ARHGEF33: variants seen among roughly 807,000 people sequenced by gnomAD.
ARHGEF33 encodes DH and coiled-coil domain-containing protein ENSP00000381780.
A neutral mutation model predicts 101.9 loss-of-function variants in ARHGEF33; 72 were observed. The ratio of observed to expected loss-of-function variants is 0.71; its 90% CI spans 0.58 to 0.86. The LOEUF (loss-of-function observed/expected upper bound fraction) is 0.86, where lower values mean the gene tolerates loss of function less well. ARHGEF33 is among the 40% of genes least tolerant of loss of function. The pLI is 0.00. For synonymous variants in ARHGEF33, 499 were observed against 442.5 expected (o/e 1.13, Z -1.60); for missense variants, 1,169 against 1,111.3 (o/e 1.05, Z -0.74).
chr2:38,917,099 C>T (rs866343666), intron 2 of ARHGEF33, among the ~76,000 whole-genome samples: 2 of 40,192 alleles, frequency 5.0e-5, no homozygotes, highest in Non-Finnish European at 1.0e-4. Flanking sequence ...TGCAACCGGT[C>T]TTCTTTTTTT....
chr2:38,933,173 C>G (rs565125038), intron 7 of ARHGEF33, among the ~76,000 whole-genome samples: 65 of 152,244 alleles, frequency 4.3e-4, no homozygotes, highest in African/African-American at 1.5e-3. Context: ...AGGCTGTAAT[C>G]AAGGTGCTGG....
Position 38,975,372 on chromosome 2 carries a change from G to A in ARHGEF33, c.*1529G>A, listed in dbSNP as rs1668254106. ...ATTATGTGGCCGGCAGTGCTTGCAAGCACAACGCCAAATCGACTGGACGTG... is the reference window on the plus strand; with the variant it reads ...ATTATGTGGCCGGCAGTGCTTGCAAACACAACGCCAAATCGACTGGACGTG... On this transcript the variant is annotated 3_prime_UTR_variant, in exon 18 of 18. Transcript: ENST00000409978. 1 of 152,198 alleles carries A rather than the reference G, an allele frequency of 6.6e-6. No homozygotes were observed. Among genetic ancestry groups the A allele is most frequent in the Non-Finnish European group, 1.5e-5 (1 of 68,022 alleles). The allele number at this position is 152,198 out of a possible 1,614,324, so 9.4% of individuals were successfully genotyped here.
intron 10 of ARHGEF33, among the ~76,000 whole-genome samples, chr2:38,950,227 C>T (rs1277467612): frequency 6.6e-6 from 1 of 152,132 alleles, no homozygotes; most frequent in Non-Finnish European, 1.5e-5. Context: ...ACAAATTTTC[C>T]TACTTACCTA....
At chr2:38,947,197 G>A (rs1667472222) in intron 10 of ARHGEF33, among the ~76,000 whole-genome samples, 1 of 152,150 alleles carries the variant, frequency 6.6e-6, no homozygotes, top group Non-Finnish European at 1.5e-5. Flanking sequence ...TGACATTCAA[G>A]CCTGAGGTGG....
At chr2:38,929,957 C>A in intron 6 of ARHGEF33, 127 bp downstream of exon 6, 1 of 712,940 alleles carries the variant, frequency 1.4e-6, no homozygotes. Flanking sequence ...GCTTGGCATG[C>A]GATGGAGGTT....
In ARHGEF33 at chr2:38,909,793, A is replaced by G. The variant is rs566962178; in HGVS notation, c.-85-9570A>G. ...GTTTTAAGCACTTGTGTATCTTCAT[A>G]TTGTGAGAATTGTCTTATCTCCTTA... On this transcript the variant is annotated intron_variant, in intron 2 of 17. Coordinates refer to ENST00000409978, the MANE Select transcript of ARHGEF33 (RefSeq NM_001145451.5). 3.5e-5 allele frequency among the ~76,000 whole-genome samples: 5 copies of G among 142,998 alleles called. No homozygotes were observed. In the East Asian group the frequency reaches 1.0e-3, roughly 29 times the overall value. The allele number at this position is 142,998 out of a possible 152,430, so 93.8% of individuals were successfully genotyped here.
rs1666710077 is a variant in ARHGEF33 at position 38,919,523 on chromosome 2, G to C, written c.25+51G>C. The C allele has an allele frequency of 9.1e-6, 14 of 1,541,420 alleles. 1 individual carries two copies. Among genetic ancestry groups the C allele is most frequent in the Middle Eastern group, 3.4e-4 (2 of 5,958 alleles). Reference sequence around the variant, plus strand: ...TAGGACTTAGGATTCAAGGAATGTAGGTTTTTGTCTTGTCTTACCACTGTC... The same window carrying C: ...TAGGACTTAGGATTCAAGGAATGTACGTTTTTGTCTTGTCTTACCACTGTC... On this transcript the variant is annotated intron_variant, in intron 3 of 17. Coordinates refer to ENST00000409978, the MANE Select transcript of ARHGEF33 (RefSeq NM_001145451.5).
rs1228580401 is a variant in ARHGEF33 at position 38,960,554 on chromosome 2, CCGCCGCCGCCGT to C, written c.2257_2268del (p.Ala753_Ala756del). The C allele has an allele frequency of 7.9e-7, 1 of 1,263,462 alleles. No homozygotes were observed. Among genetic ancestry groups the C allele is most frequent in the Non-Finnish European group, 1.0e-6 (1 of 989,810 alleles). The allele number at this position is 1,263,462 out of a possible 1,614,324, so 78.3% of individuals were successfully genotyped here. Reference sequence around the variant, plus strand: ...CGCGCCGCGCAGGCGCACGGCCCGGCCGCCGCCGCCGTCGCCGCCCGCGGCGCATCCAGGACC... The same window carrying C: ...CGCGCCGCGCAGGCGCACGGCCCGGCCGCCGCCCGCGGCGCATCCAGGACC... On this transcript the variant is annotated inframe_deletion, in exon 16 of 18. Coordinates refer to ENST00000409978, the MANE Select transcript of ARHGEF33 (RefSeq NM_001145451.5).
intron 10 of ARHGEF33, among the ~76,000 whole-genome samples, chr2:38,946,108 A>C (rs1667444086): frequency 6.6e-6 from 1 of 152,180 alleles, no homozygotes; most frequent in Non-Finnish European, 1.5e-5. Context: ...TTCAGATCTC[A>C]GTTGATTTGT....
intron 2 of ARHGEF33, among the ~76,000 whole-genome samples, chr2:38,913,683 C>T (rs1030114567): frequency 2.7e-5 from 4 of 150,418 alleles, no homozygotes; most frequent in Non-Finnish European, 4.4e-5. Context: ...GGCCGAGGCA[C>T]GAGAATCACT....
intron 4 of ARHGEF33, among the ~76,000 whole-genome samples, chr2:38,928,160 T>G (rs1189129297): frequency 1.3e-5 from 2 of 152,194 alleles, no homozygotes; most frequent in Non-Finnish European, 2.9e-5. Context: ...GTCCTAGTAC[T>G]TTAGGGTAGA....
chr2:38,915,565 T>C (rs1393598041), intron 2 of ARHGEF33, among the ~76,000 whole-genome samples: 2 of 150,710 alleles, frequency 1.3e-5, no homozygotes, highest in Non-Finnish European at 3.0e-5. Context: ...TAGAGTGGGG[T>C]TTCACCATGT....
Position 38,937,216 on chromosome 2 carries a change from A to C in ARHGEF33, c.566-119A>C, listed in dbSNP as rs1051046621. ...TCACCATGTTAGCCAGGATGGTCTC[A>C]ATCTCCTGACTTCGTGATCCGCCTG... On this transcript the variant is annotated intron_variant, in intron 8 of 17. Coordinates refer to ENST00000409978, the MANE Select transcript of ARHGEF33 (RefSeq NM_001145451.5). 41 of 618,548 alleles carry C rather than the reference A, an allele frequency of 6.6e-5. 1 individual carries two copies. Among genetic ancestry groups the C allele is most frequent in the South Asian group, 4.1e-4 (21 of 51,462 alleles). 38.3% of individuals were successfully genotyped at this position (618,548 alleles called of 1,614,324 possible).
chr2:38,945,764 G>A (rs1667433020), intron 10 of ARHGEF33, among the ~76,000 whole-genome samples: 1 of 152,214 alleles, frequency 6.6e-6, no homozygotes, highest in African/African-American at 2.4e-5. Context: ...AGAGAAAACT[G>A]TTTACTGTGG....
intron 7 of ARHGEF33, among the ~76,000 whole-genome samples, chr2:38,934,694 C>G (rs1667092199): frequency 6.9e-6 from 1 of 145,972 alleles, no homozygotes; most frequent in Admixed American, 7.0e-5. Context: ...CCCTCCATCT[C>G]AGGCACTGTT....
chr2:38,953,135 C>T (rs1006251642), intron 11 of ARHGEF33, 27 bp from the exon 12 acceptor site: 7 of 1,068,504 alleles, frequency 6.6e-6, no homozygotes, highest in Non-Finnish European at 9.9e-6. Context: ...CAGGTTCTTA[C>T]CATGCATTTT....
At chr2:38,915,673 C>G (rs1178756082) in intron 2 of ARHGEF33, among the ~76,000 whole-genome samples, 1 of 152,046 alleles carries the variant, frequency 6.6e-6, no homozygotes, top group Non-Finnish European at 1.5e-5. Context: ...TGCCTGGCCT[C>G]TAATGTAGTT....
intron 9 of ARHGEF33, among the ~76,000 whole-genome samples, chr2:38,938,561 AT>A (rs890684594): frequency 6.6e-6 from 1 of 151,952 alleles, no homozygotes; most frequent in East Asian, 1.9e-4. Context: ...GTTTTACACT[AT>A]TTTTTTTACT....
At chr2:38,890,968 G>GTTTTTTTTTTTTTTTTTTTTTTTT (rs11380408) in intron 1 of ARHGEF33, among the ~76,000 whole-genome samples, 1 of 145,012 alleles carries the variant, frequency 6.9e-6, no homozygotes, top group Non-Finnish European at 1.5e-5. Context: ...CATACTATTG[G>GTTTTTTTTTTTTTTTTTTTTTTTT]TTTTTTTTTT....
Sources: allele counts gnomAD v4.1 joint callset (sites outside exome capture counted in the v4.1 genomes callset), GRCh38; gene constraint gnomAD v4.1.1; transcripts MANE v1.5; gene names NCBI Gene and HGNC (gene_info 2026-07-23, HGNC 2026-07-21).